Variants in ROBO2 observed in about 807,000 individuals in gnomAD.
ROBO2 encodes roundabout guidance receptor 2.
ROBO2 carries 53 observed loss-of-function variants against 160.8 expected under a neutral mutation model. The observed-to-expected ratio is 0.33, with a 90% confidence interval of 0.26 to 0.41. ROBO2 has a LOEUF of 0.41. ROBO2 is among the 10% of genes least tolerant of loss of function. The pLI, the probability that ROBO2 is intolerant of heterozygous loss-of-function variation, is 1.00. For missense variants in ROBO2, 1,577 were observed against 1,722.4 expected, an observed-to-expected ratio of 0.92 and a Z score of 1.49; for synonymous variants, 664 against 611.7, an observed-to-expected ratio of 1.09 and a Z score of -1.26.
chr3:76,161,039 A>G (rs1199967593), intron 2 of ROBO2, among the ~76,000 whole-genome samples: 1 of 152,170 alleles, frequency 6.6e-6, no homozygotes, highest in Non-Finnish European at 1.5e-5. Context: ...AACCTAAAGG[A>G]AAACACACTA....
intron 5 of ROBO2, among the ~76,000 whole-genome samples, chr3:77,503,375 A>C (rs1445702098): frequency 6.6e-6 from 1 of 151,294 alleles, no homozygotes; most frequent in South Asian, 2.1e-4. Context: ...AATACAAAAA[A>C]TTAGCCAGGC....
At chr3:76,620,007 CAT>C (rs1326094300) in intron 2 of ROBO2, among the ~76,000 whole-genome samples, 1 of 152,024 alleles carries the variant, frequency 6.6e-6, no homozygotes, top group East Asian at 1.9e-4. Context: ...AAATATAAAA[CAT>C]ATGTCTAGTT....
chr3:77,460,848 AT>A (rs957577062), intron 2 of ROBO2, among the ~76,000 whole-genome samples: 2 of 152,178 alleles, frequency 1.3e-5, no homozygotes, highest in South Asian at 2.1e-4. Flanking sequence ...AATTTCCCAT[AT>A]TTTTTTCCAT....
intron 16 of ROBO2, among the ~76,000 whole-genome samples, chr3:77,585,756 T>G (rs2153681449): frequency 6.6e-6 from 1 of 152,200 alleles, no homozygotes; most frequent in African/African-American, 2.4e-5. Flanking sequence ...CGTATCTACC[T>G]TAACATCTTG....
intron 2 of ROBO2, among the ~76,000 whole-genome samples, chr3:77,432,595 A>T (rs2078885709): frequency 6.6e-6 from 1 of 152,088 alleles, no homozygotes; most frequent in Non-Finnish European, 1.5e-5. Flanking sequence ...AGCTGTGCTT[A>T]TTTATTAGCA....
intron 2 of ROBO2, among the ~76,000 whole-genome samples, chr3:76,860,308 A>G (rs985165083): frequency 6.6e-6 from 1 of 152,106 alleles, no homozygotes; most frequent in African/African-American, 2.4e-5. Context: ...CTAATTTCAA[A>G]TTTTCACCAC....
chr3:76,764,709 C>T (rs756049738), intron 2 of ROBO2, among the ~76,000 whole-genome samples: 83 of 151,556 alleles, frequency 5.5e-4, no homozygotes, highest in Non-Finnish European at 7.1e-4. Flanking sequence ...GGCCACCTGT[C>T]TATCAAAACT....
chr3:76,883,983 A>G (rs1239605623), intron 2 of ROBO2, among the ~76,000 whole-genome samples: 3 of 152,194 alleles, frequency 2.0e-5, no homozygotes, highest in Non-Finnish European at 2.9e-5. Context: ...TGTTATATGT[A>G]GCATATTCAC....
chr3:77,534,659 T>A (rs899370352), intron 6 of ROBO2, among the ~76,000 whole-genome samples: 1 of 152,220 alleles, frequency 6.6e-6, no homozygotes, highest in African/African-American at 2.4e-5. Context: ...ATTAGATTTA[T>A]TAAAAATATA....
At chr3:76,680,161 G>T (rs1208414914) in intron 2 of ROBO2, among the ~76,000 whole-genome samples, 1 of 151,894 alleles carries the variant, frequency 6.6e-6, no homozygotes, top group Non-Finnish European at 1.5e-5. Context: ...AAATCTATTG[G>T]ACTTGAAATT....
intron 2 of ROBO2, among the ~76,000 whole-genome samples, chr3:77,010,824 T>C (rs2061839561): frequency 7.0e-6 from 1 of 141,960 alleles, no homozygotes; most frequent in Non-Finnish European, 1.5e-5. Flanking sequence ...TTTCTCTCCT[T>C]CCTTCCTTCC....
At chr3:77,286,484 G>C (rs1256103427) in intron 2 of ROBO2, among the ~76,000 whole-genome samples, 1 of 152,092 alleles carries the variant, frequency 6.6e-6, no homozygotes, top group Non-Finnish European at 1.5e-5. Flanking sequence ...TCGAATTCCT[G>C]ACCTCAAGTG....
At chr3:75,950,738 T>C (rs1378050851) in intron 2 of ROBO2, among the ~76,000 whole-genome samples, 2 of 152,026 alleles carry the variant, frequency 1.3e-5, no homozygotes, top group African/African-American at 4.8e-5. Context: ...ATGCTCCAGT[T>C]TCCTCTCACT....
rs138208828 is a variant in ROBO2 at position 76,253,640 on chromosome 3, A to C, written c.109+316038A>C. Among the ~76,000 whole-genome samples, 55 of 150,880 alleles carry C rather than the reference A, an allele frequency of 3.6e-4. No homozygotes were observed. The East Asian group carries it at 0.01, about 29-fold the overall frequency. On this transcript the variant is annotated intron_variant, in intron 2 of 26. Coordinates refer to the ROBO2 transcript ENST00000487694. The stretch of plus-strand genomic sequence containing the variant: ...AGCCACTAAGAGTAATAATACTATC[A>C]TGTGAGAGGAGAGAATAAAAATTCT...
chr3:77,461,268 C>T (rs185234706), intron 2 of ROBO2, among the ~76,000 whole-genome samples: 46 of 151,992 alleles, frequency 3.0e-4, no homozygotes, highest in Non-Finnish European at 1.0e-4. Context: ...TTTTTCTTTA[C>T]ATCATATTAC....
intron 1 of ROBO2, among the ~76,000 whole-genome samples, chr3:77,096,647 A>C (rs7649763): frequency 0.052 from 7,835 of 151,658 alleles, 239 homozygotes; most frequent in Middle Eastern, 0.12. Context: ...ATGAGGTTTC[A>C]CCATGTTGGG....
chr3:76,979,321 T>C (rs2059972466), intron 2 of ROBO2, among the ~76,000 whole-genome samples: 1 of 152,102 alleles, frequency 6.6e-6, no homozygotes, highest in African/African-American at 2.4e-5. Flanking sequence ...ATGTGAATAA[T>C]GTTCACTGTA....
intron 23 of ROBO2, among the ~76,000 whole-genome samples, chr3:77,626,441 A>T (rs769522418): frequency 3.3e-5 from 5 of 152,222 alleles, no homozygotes; most frequent in Non-Finnish European, 5.9e-5. Flanking sequence ...GATTGTAATA[A>T]AATACAACAT....
chr3:77,463,492 A>G (rs1360958507), intron 2 of ROBO2, among the ~76,000 whole-genome samples: 1 of 152,066 alleles, frequency 6.6e-6, no homozygotes, highest in African/African-American at 2.4e-5. Flanking sequence ...TAGCAATTGC[A>G]TAGTAATTGA....
Sources: allele counts gnomAD v4.1 joint callset (sites outside exome capture counted in the v4.1 genomes callset), GRCh38; gene constraint gnomAD v4.1.1; transcripts MANE v1.5; gene names NCBI Gene and HGNC (gene_info 2026-07-23, HGNC 2026-07-21).